Variants in ALK observed in about 807,000 individuals in gnomAD.
The protein encoded by ALK is ALK tyrosine kinase receptor.
Under a neutral mutation model 163.1 loss-of-function variants are expected in ALK, and 74 were observed. The ratio of observed to expected loss-of-function variants is 0.45; its 90% CI spans 0.38 to 0.55. The LOEUF is 0.55. ALK is among the 20% of genes least tolerant of loss of function. ALK has a pLI of 0.00. For synonymous variants in ALK, 960 were observed against 843.2 expected (o/e 1.14, Z -2.40); for missense variants, 2,063 against 2,105.3 (o/e 0.98, Z 0.39).
chr2:29,444,162 G>T (rs1213905572), intron 4 of ALK, among the ~76,000 whole-genome samples: 2 of 152,166 alleles, frequency 1.3e-5, no homozygotes, highest in Admixed American at 6.5e-5. Flanking sequence ...GGCTTTTGGG[G>T]GTAGGACAGA....
At chr2:29,741,868 TG>T (rs1680070555) in intron 1 of ALK, among the ~76,000 whole-genome samples, 1 of 152,204 alleles carries the variant, frequency 6.6e-6, no homozygotes, top group Non-Finnish European at 1.5e-5. Flanking sequence ...GTTACGTGAC[TG>T]GGGTCCAAAT....
chr2:29,298,500 T>C (rs1170387854), intron 8 of ALK, among the ~76,000 whole-genome samples: 2 of 152,206 alleles, frequency 1.3e-5, no homozygotes, highest in Non-Finnish European at 2.9e-5. Flanking sequence ...ACTGCTAATT[T>C]GAACTTCCAT....
chr2:29,289,623 T>C (rs1413076784), intron 9 of ALK, among the ~76,000 whole-genome samples: 1 of 152,176 alleles, frequency 6.6e-6, no homozygotes, highest in Admixed American at 6.5e-5. Flanking sequence ...TATATATATA[T>C]GGCATCAGGG....
At chr2:29,432,087 G>A (rs7590597) in intron 4 of ALK, among the ~76,000 whole-genome samples, 16,284 of 152,094 alleles carry the variant, frequency 0.11, 1,213 homozygotes, top group East Asian at 0.31. Flanking sequence ...TGAAGCCTAG[G>A]TTACAGGTAG....
intron 26 of ALK, among the ~76,000 whole-genome samples, chr2:29,198,217 CT>C (rs1291382096): frequency 1.3e-5 from 2 of 152,214 alleles, no homozygotes; most frequent in Non-Finnish European, 2.9e-5. Context: ...TTCATAGTCT[CT>C]TACAGTTCTC....
chr2:29,296,849 T>G, intron 9 of ALK, 39 bp downstream of exon 9: 1 of 1,613,518 alleles, frequency 6.2e-7, no homozygotes, highest in African/African-American at 1.3e-5. Context: ...TTTTAGCTGA[T>G]AGAGGAGAAG....
chr2:29,904,303 G>C (rs1012423209), intron 1 of ALK, among the ~76,000 whole-genome samples: 1 of 152,158 alleles, frequency 6.6e-6, no homozygotes, highest in Non-Finnish European at 1.5e-5. Flanking sequence ...TGCATAATGG[G>C]ACAGGATTGG....
chr2:29,668,023 A>G (rs1677570297), intron 3 of ALK, among the ~76,000 whole-genome samples: 1 of 152,052 alleles, frequency 6.6e-6, no homozygotes, highest in Non-Finnish European at 1.5e-5. Flanking sequence ...GGTAGATTGT[A>G]TGTGTCCAAG....
chr2:29,720,111 A>G (rs148759867), intron 1 of ALK, among the ~76,000 whole-genome samples: 1 of 152,028 alleles, frequency 6.6e-6, no homozygotes, highest in African/African-American at 2.4e-5. Flanking sequence ...AACCAAGCAG[A>G]TGGGGCTAGA....
chr2:29,616,856 G>C (rs778691140), intron 3 of ALK, among the ~76,000 whole-genome samples: 1 of 152,164 alleles, frequency 6.6e-6, no homozygotes, highest in Non-Finnish European at 1.5e-5. Flanking sequence ...GCCCTAAAGA[G>C]CCAAATTCTA....
chr2:29,450,009 G>A (rs1670781672), intron 4 of ALK, among the ~76,000 whole-genome samples: 1 of 152,154 alleles, frequency 6.6e-6, no homozygotes, highest in Non-Finnish European at 1.5e-5. Flanking sequence ...GGAAGACAAA[G>A]TGTCAAAGTT....
chr2:29,202,763 CCA>C (rs1227541134), intron 26 of ALK, among the ~76,000 whole-genome samples: 1 of 152,136 alleles, frequency 6.6e-6, no homozygotes, highest in Non-Finnish European at 1.5e-5. Context: ...TGTAAGTAAA[CCA>C]CAGTTAATTT....
chr2:29,821,010 A>G (rs1665032580), intron 1 of ALK, among the ~76,000 whole-genome samples: 1 of 152,168 alleles, frequency 6.6e-6, no homozygotes. Context: ...GCTAGTGGAT[A>G]GCATGCTTAT....
At chr2:29,543,856 G>A (rs915137784) in intron 3 of ALK, among the ~76,000 whole-genome samples, 1 of 152,122 alleles carries the variant, frequency 6.6e-6, no homozygotes, top group African/African-American at 2.4e-5. Flanking sequence ...TCCGTTGATA[G>A]TTCTCTATTT....
chr2:29,684,714 G>A (rs1025061508), intron 3 of ALK, among the ~76,000 whole-genome samples: 2 of 152,190 alleles, frequency 1.3e-5, no homozygotes, highest in African/African-American at 4.8e-5. Context: ...CCAAACTTCT[G>A]AATGTACTGC....
intron 3 of ALK, among the ~76,000 whole-genome samples, chr2:29,663,802 G>T (rs750738711): frequency 3.2e-4 from 49 of 152,058 alleles, no homozygotes; most frequent in Non-Finnish European, 2.2e-4. Context: ...TAACTAATAG[G>T]TCTAGTCTGT....
intron 12 of ALK, among the ~76,000 whole-genome samples, chr2:29,248,195 G>A (rs952816243): frequency 6.6e-6 from 1 of 152,116 alleles, no homozygotes. Context: ...ACAGTGACTG[G>A]CCGGGTGTGG....
At chr2:29,825,709 G>T (rs1308553849) in intron 1 of ALK, among the ~76,000 whole-genome samples, 1 of 121,262 alleles carries the variant, frequency 8.2e-6, no homozygotes, top group African/African-American at 2.6e-5. Flanking sequence ...AGATCATTTT[G>T]TGTGTTTTTT....
intron 1 of ALK, among the ~76,000 whole-genome samples, chr2:29,727,988 A>G (rs904028885): frequency 1.3e-5 from 2 of 152,212 alleles, no homozygotes; most frequent in African/African-American, 2.4e-5. Context: ...ATCACAAAAT[A>G]TGATCTTCTG....
Sources: gnomAD v4.1 joint callset for allele counts (sites outside exome capture counted in the v4.1 genomes callset) on GRCh38, gnomAD v4.1.1 for gene constraint, MANE v1.5 for transcripts, NCBI Gene and HGNC (gene_info 2026-07-23, HGNC 2026-07-21) for gene names.